DTD1: variants seen among roughly 807,000 people sequenced by gnomAD.
The protein encoded by DTD1 is D-aminoacyl-tRNA deacylase 1, also known as D-tyrosyl-tRNA deacylase 1 homolog.
Under a neutral mutation model 25.6 loss-of-function variants are expected in DTD1, and 13 were observed. The ratio of observed to expected loss-of-function variants is 0.51; its 90% CI spans 0.33 to 0.81. DTD1 has a LOEUF of 0.81. Ranked by LOEUF, DTD1 falls within the 30% of genes least tolerant of loss-of-function variation. DTD1 has a pLI of 0.02. For missense variants in DTD1, 193 were observed against 266.4 expected (o/e 0.72, Z 1.92); for synonymous variants, 110 against 103.6 (o/e 1.06, Z -0.37).
chr20:18,694,049 G>C lies in DTD1; in HGVS notation c.478-50051G>C, dbSNP rs193275982. The stretch of plus-strand genomic sequence containing the variant: ...CTCCATCGCATTGAAGGTTCTACCT[G>C]ACAGCACCATGGTCGACCTTTCTGG... On this transcript the variant is annotated intron_variant, in intron 4 of 5. Transcript: ENST00000377452. Among the ~76,000 whole-genome samples the C allele has an allele frequency of 1.5e-4, 23 of 152,302 alleles. No homozygotes were observed. In the East Asian group the frequency reaches 4.2e-3, roughly 28 times the overall value.
At chr20:18,689,530 C>T (rs2061033390) in intron 4 of DTD1, among the ~76,000 whole-genome samples, 1 of 152,136 alleles carries the variant, frequency 6.6e-6, no homozygotes, top group Non-Finnish European at 1.5e-5. Flanking sequence ...TAGTTATCCT[C>T]TGTCTCAGTA....
chr20:18,722,306 A>G (rs1205212544), intron 4 of DTD1, among the ~76,000 whole-genome samples: 2 of 152,226 alleles, frequency 1.3e-5, no homozygotes, highest in Non-Finnish European at 2.9e-5. Context: ...ATTGTGCACA[A>G]TCCTAACATG....
At chr20:18,675,580 A>G (rs149462083) in intron 4 of DTD1, 20 of 151,798 alleles carry the variant, frequency 1.3e-4, no homozygotes, top group African/African-American at 4.6e-4. Flanking sequence ...TTTTCTTCAA[A>G]CTTTGTACTC....
At chr20:18,672,963 C>A (rs2060956262) in intron 4 of DTD1, among the ~76,000 whole-genome samples, 1 of 152,186 alleles carries the variant, frequency 6.6e-6, no homozygotes, top group Non-Finnish European at 1.5e-5. Flanking sequence ...GCCCTGTCGT[C>A]CAGCTGGGTT....
intron 4 of DTD1, among the ~76,000 whole-genome samples, chr20:18,643,931 T>C (rs1277616658): frequency 1.3e-5 from 2 of 152,184 alleles, no homozygotes; most frequent in Non-Finnish European, 2.9e-5. Flanking sequence ...ATATTGCCTA[T>C]GTTTTTGTGA....
intron 4 of DTD1, among the ~76,000 whole-genome samples, chr20:18,629,701 T>A (rs1160816135): frequency 6.6e-6 from 1 of 152,046 alleles, no homozygotes; most frequent in East Asian, 1.9e-4. Flanking sequence ...CAGGGTAATT[T>A]ATTAAAAAAA....
intron 4 of DTD1, among the ~76,000 whole-genome samples, chr20:18,701,176 G>A (rs2061103142): frequency 6.6e-6 from 1 of 152,164 alleles, no homozygotes; most frequent in Admixed American, 6.5e-5. Context: ...CCTGCCTGGT[G>A]CTTTGCACAA....
chr20:18,751,064 C>T (rs1012315024), intron 5 of DTD1, among the ~76,000 whole-genome samples: 7 of 150,290 alleles, frequency 4.7e-5, no homozygotes, highest in East Asian at 2.0e-4. Context: ...CTACAGCAGC[C>T]GTGTGTGTGT....
At chr20:18,696,416 G>T (rs1279924293) in intron 4 of DTD1, among the ~76,000 whole-genome samples, 1 of 152,174 alleles carries the variant, frequency 6.6e-6, no homozygotes, top group African/African-American at 2.4e-5. Flanking sequence ...CTTCAGGTCA[G>T]GTGCCCTCCT....
chr20:18,677,999 G>T (rs1274461440), intron 4 of DTD1, among the ~76,000 whole-genome samples: 1 of 152,206 alleles, frequency 6.6e-6, no homozygotes, highest in Non-Finnish European at 1.5e-5. Context: ...TTGGTTTCTT[G>T]CGGGATAAAT....
At chr20:18,705,240 CAG>C (rs898578674) in intron 4 of DTD1, among the ~76,000 whole-genome samples, 41 of 152,214 alleles carry the variant, frequency 2.7e-4, no homozygotes, top group African/African-American at 9.4e-4. Context: ...TTCAGGATAT[CAG>C]GGGATAAGGA....
At chr20:18,708,149 T>G (rs2061133770) in intron 4 of DTD1, among the ~76,000 whole-genome samples, 1 of 82,812 alleles carries the variant, frequency 1.2e-5, no homozygotes. Context: ...AAATAGCTAA[T>G]TATTAACATG....
chr20:18,738,568 A>T (rs2061265532), intron 4 of DTD1, among the ~76,000 whole-genome samples: 1 of 152,096 alleles, frequency 6.6e-6, no homozygotes, highest in Admixed American at 6.5e-5. Context: ...TCCCCTGACT[A>T]TGGCCAAGGA....
chr20:18,704,588 G>A lies in DTD1; in HGVS notation c.478-39512G>A, dbSNP rs117743315. Among the ~76,000 whole-genome samples the A allele has an allele frequency of 2.3e-3, 357 of 152,248 alleles. 2 individuals carry two copies. Among genetic ancestry groups the A allele is most frequent in the Non-Finnish European group, 2.6e-3 (180 of 68,020 alleles). The stretch of plus-strand genomic sequence containing the variant: ...CTGTTGTTTTTAAAAGTTATCTCTA[G>A]AGCCATGGTTCGCACCCATTTTGCA... On this transcript the variant is annotated intron_variant, in intron 4 of 5. Transcript: ENST00000377452.
intron 5 of DTD1, among the ~76,000 whole-genome samples, chr20:18,761,355 A>T (rs6136505): frequency 6.6e-6 from 1 of 151,896 alleles, no homozygotes; most frequent in Non-Finnish European, 1.5e-5. Context: ...CTATTTGGCC[A>T]TCTTGGCTCC....
At position 18,631,947 on chromosome 20, in the gene DTD1, T is replaced by C. The variant is rs936264070; in HGVS notation, c.477+3714T>C. Reference sequence around the variant, plus strand: ...CAAAGGGTACAAAGATGCAGTTATTTTGGGTGAGTAAGTCTCAAGATCTAA... The same window carrying C: ...CAAAGGGTACAAAGATGCAGTTATTCTGGGTGAGTAAGTCTCAAGATCTAA... On this transcript the variant is annotated intron_variant, in intron 4 of 5. Transcript: ENST00000377452. 52 of 961,982 alleles carry C rather than the reference T, an allele frequency of 5.4e-5. No homozygotes were observed. In the African/African-American group the frequency reaches 9.0e-4, roughly 17 times the overall value. The allele number at this position is 961,982 out of a possible 1,614,324, so 59.6% of individuals were successfully genotyped here.
chr20:18,622,311 C>T (rs1198879578), intron 3 of DTD1, among the ~76,000 whole-genome samples: 2 of 152,102 alleles, frequency 1.3e-5, no homozygotes, highest in Non-Finnish European at 2.9e-5. Context: ...TCAACTCCCA[C>T]TTATGACATC....
At chr20:18,601,504 A>T (rs1402901101) in intron 3 of DTD1, among the ~76,000 whole-genome samples, 2 of 37,482 alleles carry the variant, frequency 5.3e-5, no homozygotes, top group South Asian at 1.2e-3. Flanking sequence ...GTCTCAAAAA[A>T]AAAAAAAAAA....
chr20:18,679,911 C>T (rs1600362808), intron 4 of DTD1, among the ~76,000 whole-genome samples: 1 of 152,142 alleles, frequency 6.6e-6, no homozygotes, highest in Non-Finnish European at 1.5e-5. Context: ...CCTGGGGATG[C>T]AGTAACAGCT....
Sources: gnomAD v4.1 joint callset for allele counts (sites outside exome capture counted in the v4.1 genomes callset) on GRCh38, gnomAD v4.1.1 for gene constraint, MANE v1.5 for transcripts, NCBI Gene and HGNC (gene_info 2026-07-23, HGNC 2026-07-21) for gene names.